The following ZNF236 variants were observed in gnomAD, a reference collection of about 807,000 sequenced individuals.
ZNF236 encodes the protein zinc finger protein 236, also known as regulated by glucose.
Under a neutral mutation model 191.2 loss-of-function variants are expected in ZNF236, and 50 were observed. The ratio of observed to expected loss-of-function variants is 0.26; its 90% CI spans 0.21 to 0.33. The LOEUF (loss-of-function observed/expected upper bound fraction) is 0.33, where lower values mean the gene tolerates loss of function less well. ZNF236 is among the 10% of genes least tolerant of loss of function. The pLI is 1.00. For synonymous variants in ZNF236, 907 were observed against 928.8 expected (o/e 0.98, Z 0.43); for missense variants, 1,754 against 2,374.5 (o/e 0.74, Z 5.43).
chr18:76,926,142 T>A (rs947494463), intron 22 of ZNF236, among the ~76,000 whole-genome samples: 2 of 152,244 alleles, frequency 1.3e-5, no homozygotes, highest in Non-Finnish European at 2.9e-5. Context: ...GCTACTTTTC[T>A]GATACGTTTA....
chr18:76,920,202 G>A, intron 20 of ZNF236, 144 bp downstream of exon 20: 1 of 974,904 alleles, frequency 1.0e-6, no homozygotes, highest in South Asian at 1.7e-5. Context: ...TTACTTGAAT[G>A]TATGGTTTTA....
At chr18:76,856,528 A>G (rs545805745) in intron 3 of ZNF236, among the ~76,000 whole-genome samples, 1 of 152,182 alleles carries the variant, frequency 6.6e-6, no homozygotes, top group Non-Finnish European at 1.5e-5. Context: ...GTCTCCTCCA[A>G]TCTGGTAATT....
intron 8 of ZNF236, 80 bp from the exon 9 acceptor site, chr18:76,881,204 A>T: frequency 8.3e-7 from 1 of 1,201,892 alleles, no homozygotes; most frequent in Non-Finnish European, 1.2e-6. Context: ...AGAATTCTAT[A>T]GGTAAAGCTT....
At chr18:76,868,657 C>T in intron 3 of ZNF236, 28 bp from the exon 4 acceptor site, 2 of 1,565,882 alleles carry the variant, frequency 1.3e-6, no homozygotes, top group Non-Finnish European at 1.7e-6. Context: ...AAGGTTTGCT[C>T]TGCTCACCGA....
In ZNF236 at chr18:76,956,168, G is replaced by A. The variant is rs766211712; in HGVS notation, c.5098G>A (p.Ala1700Thr). The A allele has an allele frequency of 1.7e-5, 26 of 1,550,894 alleles. 1 individual carries two copies. The highest frequency in any genetic ancestry group is 1.1e-4 in the South Asian group (9 of 84,476). ...CPVCRKAFKRATHLKEHMQTH... is the reference protein window; with the variant it reads ...CPVCRKAFKRTTHLKEHMQTH... ...CGTGTGCAGGAAGGCCTTCAAGCGC[G>A]CCACGCACCTCAAGGTAGGCCCACT... The change falls in exon 28 of 31, where the codon GCC becomes ACC. Residue 1700 changes from alanine (A) to threonine (T), a missense_variant. Physicochemically the swap from Ala to Thr is moderately conservative, Grantham distance 58. This residue lies in a region of ZNF236 where 606 missense variants were observed against 761.5 expected (regional missense o/e 0.80). Coordinates refer to ENST00000320610, the MANE Select transcript of ZNF236 (RefSeq NM_001306089.2).
intron 26 of ZNF236, among the ~76,000 whole-genome samples, chr18:76,942,011 G>A (rs148866974): frequency 1.3e-5 from 2 of 152,284 alleles, no homozygotes; most frequent in Admixed American, 6.5e-5. Context: ...ATTGTCAAGA[G>A]ATTAATGAAC....
At chr18:76,910,034 G>A (rs1284965455) in intron 14 of ZNF236, 34 bp from the exon 15 acceptor site, 4 of 1,531,876 alleles carry the variant, frequency 2.6e-6, no homozygotes, top group Non-Finnish European at 3.6e-6. Flanking sequence ...ACTTCCAAAT[G>A]TATGCGTCCC....
At chr18:76,911,201 T>C (rs1461943520) in intron 16 of ZNF236, among the ~76,000 whole-genome samples, 1 of 152,236 alleles carries the variant, frequency 6.6e-6, no homozygotes, top group African/African-American at 2.4e-5. Context: ...TTAAAAAATA[T>C]TTAAATGCAT....
intron 30 of ZNF236, among the ~76,000 whole-genome samples, chr18:76,966,370 C>G (rs986938440): frequency 6.6e-6 from 1 of 152,146 alleles, no homozygotes; most frequent in Admixed American, 6.5e-5. Flanking sequence ...GACACACACA[C>G]AGAATTTGAT....
At chr18:76,872,526 A>G (rs914974717) in intron 5 of ZNF236, among the ~76,000 whole-genome samples, 1 of 152,218 alleles carries the variant, frequency 6.6e-6, no homozygotes, top group Admixed American at 6.5e-5. Flanking sequence ...GTGGATTTTC[A>G]TATTCTTTTA....
chr18:76,951,208 C>T (rs533658631), intron 27 of ZNF236, among the ~76,000 whole-genome samples: 3 of 152,282 alleles, frequency 2.0e-5, no homozygotes, highest in Admixed American at 6.5e-5. Context: ...CTGCACTAGC[C>T]CCTCACAAGA....
At position 76,899,249 on chromosome 18, in the gene ZNF236, T is replaced by TA. The variant is rs759358986; in HGVS notation, c.1894+29dup. On this transcript the variant is annotated intron_variant, in intron 11 of 30. Coordinates refer to ENST00000320610, the MANE Select transcript of ZNF236 (RefSeq NM_001306089.2). Reference sequence around the variant, plus strand: ...TAAGATGGATTGTAGGGCGTCTTTATAATTTATTGAGTACTATTTTCTTTG... The same window carrying TA: ...TAAGATGGATTGTAGGGCGTCTTTATAAATTTATTGAGTACTATTTTCTTTG... 36 of 1,579,654 alleles carry TA rather than the reference T, an allele frequency of 2.3e-5. No homozygotes were observed. The Admixed American group carries it at 3.5e-4, about 16-fold the overall frequency.
intron 2 of ZNF236, among the ~76,000 whole-genome samples, chr18:76,850,542 T>G (rs1975827094): frequency 6.6e-6 from 1 of 152,172 alleles, no homozygotes; most frequent in Non-Finnish European, 1.5e-5. Flanking sequence ...GGGAAAATCT[T>G]AGACCTAGAT....
Position 76,927,291 on chromosome 18 carries a change from T to C in ZNF236, c.4188T>C (p.Ile1396=). 6.2e-7 allele frequency: 1 copy of C among 1,614,186 alleles called. No individual in the cohort carries two copies. Among genetic ancestry groups the C allele is most frequent in the Non-Finnish European group, 8.5e-7 (1 of 1,180,020 alleles). The change falls in exon 24 of 31, where the codon ATT becomes ATC. Residue 1396 remains isoleucine, a synonymous_variant. Coordinates refer to ENST00000320610, the MANE Select transcript of ZNF236 (RefSeq NM_001306089.2). This position sits in a 1 kb window ranked among gnomAD's most constrained non-coding sequence, Gnocchi z 5.4. ...NNITLQIDPS[I]LQQTLQQGNL... ...CTGCTTTTCAGATTGATCCAAGCAT[T>C]CTGCAGCAGACGCTACAGCAGGGCA...
At chr18:76,846,092 T>G (rs2122487182) in intron 1 of ZNF236, among the ~76,000 whole-genome samples, 1 of 152,194 alleles carries the variant, frequency 6.6e-6, no homozygotes, top group South Asian at 2.1e-4. Flanking sequence ...TTAAAAGCCC[T>G]TATCTAAGGA....
At chr18:76,866,328 G>A (rs1031650289) in intron 3 of ZNF236, among the ~76,000 whole-genome samples, 7 of 152,156 alleles carry the variant, frequency 4.6e-5, no homozygotes, top group African/African-American at 1.4e-4. Flanking sequence ...GGTTTATTTT[G>A]TGTGTTGAGC....
chr18:76,845,168 A>T (rs1001807216), intron 1 of ZNF236, among the ~76,000 whole-genome samples: 1 of 152,170 alleles, frequency 6.6e-6, no homozygotes, highest in African/African-American at 2.4e-5. Context: ...TCATTTTCTG[A>T]TCATTGTGCA....
chr18:76,876,612 T>C (rs1976723655), intron 6 of ZNF236, among the ~76,000 whole-genome samples: 1 of 152,230 alleles, frequency 6.6e-6, no homozygotes. Context: ...CCATGTTCAA[T>C]GAGTTAATCT....
intron 3 of ZNF236, among the ~76,000 whole-genome samples, chr18:76,857,463 T>C (rs898401893): frequency 1.3e-5 from 2 of 152,170 alleles, no homozygotes; most frequent in African/African-American, 4.8e-5. Flanking sequence ...ATGTGGGACC[T>C]CTCCCTTCCC....
Sources: allele counts gnomAD v4.1 joint callset (sites outside exome capture counted in the v4.1 genomes callset), GRCh38; gene constraint gnomAD v4.1.1; regional missense constraint gnomAD v4.1.1; non-coding constraint Gnocchi (gnomAD v3.1); transcripts MANE v1.5; gene names NCBI Gene and HGNC (gene_info 2026-07-23, HGNC 2026-07-21).